Variants in KIF16B observed in about 807,000 individuals in gnomAD.
KIF16B encodes kinesin family member 16B.
KIF16B carries 98 observed loss-of-function variants against 156.3 expected under a neutral mutation model. The ratio of observed to expected loss-of-function variants is 0.63; its 90% CI spans 0.53 to 0.74. KIF16B has a LOEUF of 0.74. Ranked by LOEUF, KIF16B falls within the 30% of genes least tolerant of loss-of-function variation. The probability of loss-of-function intolerance (pLI) is 0.00; values close to 1 mark genes in which losing one functional copy is unlikely to be tolerated. For missense variants in KIF16B, 1,421 were observed against 1,606.5 expected (o/e 0.88, Z 1.97); for synonymous variants, 564 against 583.7 (o/e 0.97, Z 0.49).
chr20:16,514,579 T>TA (rs1367916198), intron 4 of KIF16B, among the ~76,000 whole-genome samples: 12 of 22,420 alleles, frequency 5.4e-4, no homozygotes, highest in African/African-American at 1.9e-3. Flanking sequence ...CACTAAGAAA[T>TA]AAGAAAAAAA....
intron 15 of KIF16B, among the ~76,000 whole-genome samples, chr20:16,413,604 T>C (rs2066012076): frequency 2.0e-5 from 3 of 152,122 alleles, no homozygotes; most frequent in Admixed American, 6.6e-5. Flanking sequence ...CACAAGTGTG[T>C]GGTTCACACT....
Position 16,462,141 on chromosome 20 carries a change from T to C in KIF16B, c.1302+32150A>G, listed in dbSNP as rs142921103. Among the ~76,000 whole-genome samples the C allele has an allele frequency of 9.7e-3, 1,482 of 152,160 alleles. 32 individuals carry two copies. The highest frequency in any genetic ancestry group is 0.033 in the African/African-American group (1,374 of 41,494). On this transcript the variant is annotated intron_variant, in intron 12 of 25. Transcript: ENST00000354981. ...CTGTAGTCCCAGCTACTCAGGAGGC[T>C]GAGGCAGAAGAATTGCTTGAACCCA...
intron 15 of KIF16B, among the ~76,000 whole-genome samples, chr20:16,425,090 T>C (rs960041981): frequency 6.6e-6 from 1 of 152,138 alleles, no homozygotes; most frequent in Non-Finnish European, 1.5e-5. Flanking sequence ...GACACTCCAG[T>C]AGCAATGAAC....
chr20:16,344,061 G>T (rs533118028), intron 23 of KIF16B, among the ~76,000 whole-genome samples: 2 of 152,318 alleles, frequency 1.3e-5, no homozygotes, highest in South Asian at 4.1e-4. Context: ...CATGCAGGAA[G>T]ACCTCAATGT....
Position 16,528,439 on chromosome 20 carries a change from C to T in KIF16B, c.49G>A (p.Glu17Lys), listed in dbSNP as rs764812685. ...ATGAACTTGGCCTCCAAGTCCTTTT[C>T]CCTGCAATACAAATAATTCAGTAGT... ...AVRVRPMNRR[E>K]KDLEAKFIIQ... The change falls in exon 2 of 26, where the codon GAA becomes AAA. Residue 17 changes from glutamate (E) to lysine (K), a missense_variant and splice_region_variant. Physicochemically the swap from Glu to Lys is moderately conservative, Grantham distance 56. Coordinates refer to ENST00000354981, the MANE Select transcript of KIF16B (RefSeq NM_024704.5). The T allele has an allele frequency of 1.2e-6, 2 of 1,602,602 alleles. No homozygotes were observed. Among genetic ancestry groups the T allele is most frequent in the South Asian group, 2.2e-5 (2 of 90,878 alleles).
chr20:16,497,750 TA>T, intron 10 of KIF16B, 72 bp from the exon 11 acceptor site: 1 of 1,127,454 alleles, frequency 8.9e-7, no homozygotes, highest in Non-Finnish European at 1.3e-6. Flanking sequence ...CTGAATATAG[TA>T]AATTATCCAA....
intron 1 of KIF16B, among the ~76,000 whole-genome samples, chr20:16,545,377 A>C (rs559183613): frequency 6.9e-4 from 105 of 152,060 alleles, no homozygotes; most frequent in African/African-American, 2.4e-3. Context: ...TTTAAAAAAA[A>C]AAAAAGGCCA....
In KIF16B at chr20:16,390,512, T is replaced by C. The variant is rs896033993; in HGVS notation, c.1785-8765A>G. On this transcript the variant is annotated intron_variant, in intron 17 of 25. Transcript: ENST00000354981. ...CCACCTCCCCTGCCCCTCCATCCTA[T>C]TTTACAGGCCAGAAGAATGAGGCCC... Among the ~76,000 whole-genome samples the C allele has an allele frequency of 3.9e-5, 6 of 151,990 alleles. No individual in the cohort carries two copies. The East Asian group carries it at 9.7e-4, about 24-fold the overall frequency.
chr20:16,356,917 G>A (rs1438011831), intron 22 of KIF16B, among the ~76,000 whole-genome samples: 1 of 152,086 alleles, frequency 6.6e-6, no homozygotes, highest in Non-Finnish European at 1.5e-5. Flanking sequence ...TAACTTTTAG[G>A]CATTTTTATA....
At chr20:16,381,860 C>A in intron 17 of KIF16B, 113 bp from the exon 18 acceptor site, 1 of 879,506 alleles carries the variant, frequency 1.1e-6, no homozygotes. Context: ...TCAAGTATTA[C>A]TTTTAATTAC....
chr20:16,473,513 T>G lies in KIF16B; in HGVS notation c.1302+20778A>C, dbSNP rs574545914. Among the ~76,000 whole-genome samples the G allele has an allele frequency of 1.7e-4, 26 of 152,272 alleles. 1 individual carries two copies. The South Asian group carries it at 4.6e-3, about 27-fold the overall frequency. ...TTATTAAATGAATGTTAGTACCCCA[T>G]GGAAGAGATCGCAGGGACTAGAGTA... On this transcript the variant is annotated intron_variant, in intron 12 of 25. Coordinates refer to ENST00000354981, the MANE Select transcript of KIF16B (RefSeq NM_024704.5).
chr20:16,365,932 C>G (rs1333906804), intron 22 of KIF16B, among the ~76,000 whole-genome samples: 1 of 152,136 alleles, frequency 6.6e-6, no homozygotes, highest in Non-Finnish European at 1.5e-5. Flanking sequence ...CTGAGCAAGA[C>G]AGAAGCACGT....
intron 17 of KIF16B, among the ~76,000 whole-genome samples, chr20:16,395,823 C>T (rs970917152): frequency 1.3e-5 from 2 of 151,984 alleles, no homozygotes; most frequent in African/African-American, 2.4e-5. Flanking sequence ...ATTCAACACT[C>T]TAAGGAGGCC....
intron 1 of KIF16B, among the ~76,000 whole-genome samples, chr20:16,569,970 C>CTGTGTG (rs10602666): frequency 1.1e-3 from 167 of 149,730 alleles, no homozygotes; most frequent in Middle Eastern, 6.9e-3. Flanking sequence ...ATAGATGAAT[C>CTGTGTG]TGTGTGTGTG....
intron 25 of KIF16B, among the ~76,000 whole-genome samples, chr20:16,304,229 T>A (rs1406976650): frequency 6.6e-6 from 1 of 152,236 alleles, no homozygotes; most frequent in Non-Finnish European, 1.5e-5. Context: ...TTACACCAAT[T>A]ACTGCTCATG....
chr20:16,495,929 G>C (rs1025192651), intron 11 of KIF16B, among the ~76,000 whole-genome samples: 1 of 152,114 alleles, frequency 6.6e-6, no homozygotes, highest in Non-Finnish European at 1.5e-5. Flanking sequence ...GGGCTCAGGC[G>C]ATCCTCCTGC....
chr20:16,466,408 A>G (rs1432381330), intron 12 of KIF16B, among the ~76,000 whole-genome samples: 1 of 152,228 alleles, frequency 6.6e-6, no homozygotes, highest in African/African-American at 2.4e-5. Context: ...CTCATCCTGA[A>G]TTGTAGCTCC....
intron 24 of KIF16B, among the ~76,000 whole-genome samples, chr20:16,322,121 C>T (rs913297833): frequency 1.3e-5 from 2 of 151,908 alleles, no homozygotes; most frequent in Non-Finnish European, 2.9e-5. Context: ...TAATGGCAAG[C>T]TTGTTTTGCA....
At chr20:16,466,733 G>A (rs922748314) in intron 12 of KIF16B, among the ~76,000 whole-genome samples, 36 of 151,786 alleles carry the variant, frequency 2.4e-4, no homozygotes, top group African/African-American at 8.7e-4. Context: ...TAATACAGGT[G>A]GACACAGAGA....
Sources: gnomAD v4.1 joint callset for allele counts (sites outside exome capture counted in the v4.1 genomes callset) on GRCh38, gnomAD v4.1.1 for gene constraint, MANE v1.5 for transcripts, NCBI Gene and HGNC (gene_info 2026-07-23, HGNC 2026-07-21) for gene names.